YAP1: variants seen among roughly 807,000 people sequenced by gnomAD.
The protein encoded by YAP1 is Yes1 associated transcriptional regulator, also known as transcriptional coactivator YAP1.
A neutral mutation model predicts 56.9 loss-of-function variants in YAP1; 5 were observed. That is an observed-to-expected ratio of 0.09 (90% CI 0.05 to 0.18). The LOEUF is 0.18. Ranked by LOEUF, YAP1 falls within the 10% of genes least tolerant of loss-of-function variation. The pLI is 1.00. For missense variants in YAP1, 539 were observed against 651.8 expected, an observed-to-expected ratio of 0.83 and a Z score of 1.88; for synonymous variants, 265 against 248.1, an observed-to-expected ratio of 1.07 and a Z score of -0.64.
At position 102,110,838 on chromosome 11, in the gene YAP1, A is replaced by AG. The variant is rs1942847219; in HGVS notation, c.-9dup. The stretch of plus-strand genomic sequence containing the variant: ...TGGGTCAGGGGGTGCGCGTCGGGGG[A>AG]GGCAGAAGCCATGGATCCCGGGCAG... On this transcript the variant is annotated 5_prime_UTR_variant, in exon 1 of 9. Coordinates refer to ENST00000282441, the MANE Select transcript of YAP1 (RefSeq NM_001130145.3). The AG allele has an allele frequency of 7.2e-7, 1 of 1,394,098 alleles. No individual in the cohort carries two copies. Among genetic ancestry groups the AG allele is most frequent in the Non-Finnish European group, 9.3e-7 (1 of 1,073,712 alleles). The allele number at this position is 1,394,098 out of a possible 1,614,324, so 86.4% of individuals were successfully genotyped here.
intron 1 of YAP1, 115 bp downstream of exon 1, chr11:102,111,284 G>A: frequency 3.1e-6 from 4 of 1,289,320 alleles, no homozygotes; most frequent in Non-Finnish European, 4.2e-6. Context: ...GGGAACTCTA[G>A]CTGGGGTGGG....
At chr11:102,185,991 A>ATTTTTTTT (rs34105163) in intron 3 of YAP1, 27 bp from the exon 4 acceptor site, 1 of 1,357,094 alleles carries the variant, frequency 7.4e-7, no homozygotes, top group Non-Finnish European at 9.8e-7. Flanking sequence ...AAAAACCATG[A>ATTTTTTTT]TTTTTTTTTT....
intron 2 of YAP1, among the ~76,000 whole-genome samples, chr11:102,143,906 T>C (rs923538236): frequency 1.3e-5 from 2 of 152,258 alleles, no homozygotes; most frequent in South Asian, 4.1e-4. Flanking sequence ...AATTTCCCAC[T>C]TCTGGGAATG....
chr11:102,190,425 G>T (rs911665686), intron 4 of YAP1, among the ~76,000 whole-genome samples: 2 of 152,192 alleles, frequency 1.3e-5, no homozygotes, highest in African/African-American at 4.8e-5. Flanking sequence ...GAGGCCAGGA[G>T]TTCCTGACCA....
At chr11:102,176,110 CA>C (rs1198731760) in intron 3 of YAP1, among the ~76,000 whole-genome samples, 2 of 152,020 alleles carry the variant, frequency 1.3e-5, no homozygotes, top group East Asian at 3.9e-4. Flanking sequence ...TTTTGAAAGC[CA>C]AAAGTCTGCA....
chr11:102,221,369 C>T (rs1949920606), intron 6 of YAP1, among the ~76,000 whole-genome samples: 1 of 152,008 alleles, frequency 6.6e-6, no homozygotes, highest in African/African-American at 2.4e-5. Context: ...TTCATTGATA[C>T]AGTTAAGAAA....
chr11:102,122,744 A>C (rs1943737534), intron 2 of YAP1, among the ~76,000 whole-genome samples: 1 of 151,880 alleles, frequency 6.6e-6, no homozygotes, highest in Non-Finnish European at 1.5e-5. Flanking sequence ...AAAATAGAAA[A>C]ATTAGGCAGG....
intron 3 of YAP1, among the ~76,000 whole-genome samples, chr11:102,182,364 A>G (rs561655394): frequency 6.6e-6 from 1 of 152,276 alleles, no homozygotes; most frequent in African/African-American, 2.4e-5. Context: ...TTTTGTGGTA[A>G]TCCTACATTT....
intron 2 of YAP1, among the ~76,000 whole-genome samples, chr11:102,161,627 T>C (rs78090504): frequency 0.019 from 2,955 of 152,272 alleles, 43 homozygotes; most frequent in Middle Eastern, 0.061. Context: ...TACTTCTGGC[T>C]ATTAATGCAG....
chr11:102,174,379 A>G (rs1251765121), intron 3 of YAP1, among the ~76,000 whole-genome samples: 1 of 152,156 alleles, frequency 6.6e-6, no homozygotes, highest in Admixed American at 6.5e-5. Context: ...CGGGCAGATC[A>G]TGAGGTCAAC....
intron 3 of YAP1, among the ~76,000 whole-genome samples, chr11:102,163,413 C>T (rs1462073958): frequency 6.6e-6 from 1 of 152,160 alleles, no homozygotes; most frequent in East Asian, 1.9e-4. Context: ...CCACAGTTAG[C>T]CCATTATGTA....
In YAP1 at chr11:102,230,693, G is replaced by A. The variant is rs999913010; in HGVS notation, c.*753G>A. 3.9e-5 allele frequency: 6 copies of A among 152,504 alleles called. No individual in the cohort carries two copies. The highest frequency in any genetic ancestry group is 2.0e-4 in the Admixed American group (3 of 15,256). 9.4% of individuals were successfully genotyped at this position (152,504 alleles called of 1,614,324 possible). On this transcript the variant is annotated 3_prime_UTR_variant, in exon 9 of 9. Coordinates refer to ENST00000282441, the MANE Select transcript of YAP1 (RefSeq NM_001130145.3). The stretch of plus-strand genomic sequence containing the variant: ...TTTTTTGTTTTTGGCAGGGTCGGTG[G>A]GGGGGTTGGTTGGTTGGTTGGTTTT...
intron 1 of YAP1, chr11:102,112,425 C>CTTTT (rs751339753): frequency 1.2e-3 from 993 of 825,916 alleles, no homozygotes; most frequent in African/African-American, 4.9e-3. Context: ...ATTTCTTCTT[C>CTTTT]TTTTTTTTTT....
chr11:102,169,887 A>G (rs936219004), intron 3 of YAP1, among the ~76,000 whole-genome samples: 2 of 152,330 alleles, frequency 1.3e-5, no homozygotes, highest in Admixed American at 6.5e-5. Context: ...ACTATGGCCA[A>G]TCCATTTCAT....
In YAP1 at chr11:102,229,739, G is replaced by C; in HGVS notation, c.1314G>C (p.Gln438His). 2.5e-6 allele frequency: 4 copies of C among 1,614,112 alleles called. No individual in the cohort carries two copies. The highest frequency in any genetic ancestry group is 3.4e-6 in the Non-Finnish European group (4 of 1,179,992). ...TINQSTLPSQ[Q>H]NRFPDYLEAI... ...ACCAAAGCACCCTGCCCTCACAGCA[G>C]AACCGTTTCCCAGACTACCTTGAAG... Residue 438 changes from glutamine (Q) to histidine (H), a missense_variant, in exon 9 of 9, where the codon CAG becomes CAC. Physicochemically the swap from Gln to His is conservative, Grantham distance 24. Transcript: ENST00000282441.
intron 1 of YAP1, among the ~76,000 whole-genome samples, chr11:102,112,093 A>G (rs1003548774): frequency 6.6e-6 from 1 of 152,208 alleles, no homozygotes; most frequent in Non-Finnish European, 1.5e-5. Flanking sequence ...TTGCGCAGGA[A>G]CTGAGTTGCG....
chr11:102,117,733 T>C (rs1943378166), intron 2 of YAP1, among the ~76,000 whole-genome samples: 1 of 152,232 alleles, frequency 6.6e-6, no homozygotes, highest in Admixed American at 6.5e-5. Context: ...TGGCTTGTTT[T>C]CAAGCTCTGG....
intron 3 of YAP1, among the ~76,000 whole-genome samples, chr11:102,165,209 T>C (rs914911140): frequency 6.7e-6 from 1 of 148,598 alleles, no homozygotes; most frequent in Non-Finnish European, 1.5e-5. Context: ...AAAAAAAAAA[T>C]AGTCTGTCAT....
intron 4 of YAP1, 64 bp from the exon 5 acceptor site, chr11:102,205,829 A>G (rs1949091453): frequency 7.0e-7 from 1 of 1,418,962 alleles, no homozygotes; most frequent in Non-Finnish European, 9.3e-7. Context: ...TGAATAATTA[A>G]ATCATCATTT....
Sources: allele counts gnomAD v4.1 joint callset (sites outside exome capture counted in the v4.1 genomes callset), GRCh38; gene constraint gnomAD v4.1.1; transcripts MANE v1.5; gene names NCBI Gene and HGNC (gene_info 2026-07-23, HGNC 2026-07-21).